The following TWSG1 variants were observed in gnomAD, a reference collection of about 807,000 sequenced individuals.
TWSG1 encodes the protein twisted gastrulation protein homolog 1.
In TWSG1, 15 loss-of-function variants were observed where a neutral mutation model predicts 23.0. The observed-to-expected ratio is 0.65, with a 90% CI of 0.44 to 1.00. The LOEUF (loss-of-function observed/expected upper bound fraction) is 1.00, where lower values mean the gene tolerates loss of function less well. Ranked by LOEUF, TWSG1 falls within the 50% of genes least tolerant of loss-of-function variation. The probability of loss-of-function intolerance (pLI) is 0.00; values close to 1 mark genes in which losing one functional copy is unlikely to be tolerated. For missense variants in TWSG1, 242 were observed against 278.7 expected (o/e 0.87, Z 0.94); for synonymous variants, 86 against 92.8 (o/e 0.93, Z 0.42).
At chr18:9,396,724 G>A in intron 4 of TWSG1, 178 bp downstream of exon 4, 1 of 673,558 alleles carries the variant, frequency 1.5e-6, no homozygotes, top group Non-Finnish European at 2.2e-6. Context: ...GCACATGCCA[G>A]AAGGATAAGA....
chr18:9,397,881 G>C (rs1194521373), intron 4 of TWSG1, among the ~76,000 whole-genome samples: 1 of 151,986 alleles, frequency 6.6e-6, no homozygotes, highest in Non-Finnish European at 1.5e-5. Flanking sequence ...GCACATGCCT[G>C]TAATCCCAGC....
At chr18:9,378,668 A>G (rs539793777) in intron 3 of TWSG1, among the ~76,000 whole-genome samples, 2 of 152,292 alleles carry the variant, frequency 1.3e-5, no homozygotes, top group African/African-American at 4.8e-5. Context: ...GGAAGAATCA[A>G]TATCACTTAA....
chr18:9,379,875 A>G (rs2040648232), intron 3 of TWSG1, among the ~76,000 whole-genome samples: 1 of 152,192 alleles, frequency 6.6e-6, no homozygotes, highest in Non-Finnish European at 1.5e-5. Flanking sequence ...GATTCTTCCT[A>G]CCCATAAACA....
chr18:9,376,231 T>A (rs1442351489), intron 3 of TWSG1, among the ~76,000 whole-genome samples: 1 of 152,232 alleles, frequency 6.6e-6, no homozygotes, highest in Non-Finnish European at 1.5e-5. Context: ...TCTATAGATT[T>A]AATGCAATTG....
intron 2 of TWSG1, among the ~76,000 whole-genome samples, chr18:9,348,356 A>G (rs1165129702): frequency 6.6e-6 from 1 of 152,158 alleles, no homozygotes; most frequent in Non-Finnish European, 1.5e-5. Flanking sequence ...TTAGTTGAAG[A>G]ATGGTTTGGC....
rs189960205 is a variant in TWSG1 at position 9,384,075 on chromosome 18, A to G, written c.224-12205A>G. On this transcript the variant is annotated intron_variant, in intron 3 of 4. Transcript: ENST00000262120. ...TGTTTCCAAATTCAGTCAAAATGTA[A>G]TGGGGGCTTGGTCTAGGATGATAGC... Among the ~76,000 whole-genome samples, 14 of 152,328 alleles carry G rather than the reference A, an allele frequency of 9.2e-5. No homozygotes were observed. In the South Asian group the frequency reaches 1.5e-3, roughly 16 times the overall value.
At chr18:9,358,606 G>A (rs1244985756) in intron 2 of TWSG1, among the ~76,000 whole-genome samples, 1 of 152,122 alleles carries the variant, frequency 6.6e-6, no homozygotes, top group Non-Finnish European at 1.5e-5. Context: ...GGGGTCTTAA[G>A]GAGCAGGCTT....
chr18:9,384,286 A>G (rs7240798), intron 3 of TWSG1, among the ~76,000 whole-genome samples: 72,185 of 152,012 alleles, frequency 0.47, 18,145 homozygotes, highest in East Asian at 0.71. Context: ...AGACCCAGGT[A>G]TGTTAGGGAA....
intron 2 of TWSG1, among the ~76,000 whole-genome samples, chr18:9,344,523 A>ATGTGTC (rs1218016801): frequency 9.2e-6 from 1 of 108,398 alleles, no homozygotes; most frequent in African/African-American, 3.7e-5. Flanking sequence ...GTGTGTGTGT[A>ATGTGTC]TGTATGTATT....
intron 3 of TWSG1, among the ~76,000 whole-genome samples, chr18:9,394,945 A>G (rs2040728131): frequency 6.6e-6 from 1 of 152,234 alleles, no homozygotes; most frequent in Non-Finnish European, 1.5e-5. Context: ...AGCCAATATC[A>G]ATATAACATT....
chr18:9,361,791 T>A (rs1389298579), intron 3 of TWSG1, among the ~76,000 whole-genome samples: 1 of 152,254 alleles, frequency 6.6e-6, no homozygotes, highest in Non-Finnish European at 1.5e-5. Context: ...TTGGTTTAAT[T>A]TCTCTAAAGA....
At chr18:9,389,331 A>G (rs1474902705) in intron 3 of TWSG1, among the ~76,000 whole-genome samples, 2 of 152,160 alleles carry the variant, frequency 1.3e-5, no homozygotes, top group African/African-American at 2.4e-5. Flanking sequence ...GTTGTATAAT[A>G]TGAGCATTCT....
intron 3 of TWSG1, among the ~76,000 whole-genome samples, chr18:9,377,104 G>A (rs1320468144): frequency 1.3e-5 from 2 of 152,110 alleles, no homozygotes; most frequent in African/African-American, 4.8e-5. Context: ...GTTTCCTGGG[G>A]GGTCCTGGAA....
At position 9,371,059 on chromosome 18, in the gene TWSG1, G is replaced by T. The variant is rs1375326401; in HGVS notation, c.223+10988G>T. Among the ~76,000 whole-genome samples, 3 of 151,214 alleles carry T rather than the reference G, an allele frequency of 2.0e-5. No individual in the cohort carries two copies. In the East Asian group the frequency reaches 5.8e-4, roughly 29 times the overall value. ...ACTTAAAAAAAAAAAACCCTTTTGTGTGATACCTATTGGGCCTATTAGATT... is the reference window on the plus strand; with the variant it reads ...ACTTAAAAAAAAAAAACCCTTTTGTTTGATACCTATTGGGCCTATTAGATT... On this transcript the variant is annotated intron_variant, in intron 3 of 4. Coordinates refer to ENST00000262120, the MANE Select transcript of TWSG1 (RefSeq NM_020648.6).
At chr18:9,340,284 C>T (rs144985046) in intron 2 of TWSG1, among the ~76,000 whole-genome samples, 5,641 of 143,768 alleles carry the variant, frequency 0.039, 186 homozygotes, top group Middle Eastern at 0.081. Context: ...AGGAGAATGG[C>T]GTGAACCCAG....
chr18:9,392,573 T>A (rs1158013794), intron 3 of TWSG1, among the ~76,000 whole-genome samples: 1 of 152,226 alleles, frequency 6.6e-6, no homozygotes, highest in Non-Finnish European at 1.5e-5. Context: ...ATCCATGTGT[T>A]CAGAGTAACA....
chr18:9,336,189 C>G (rs914866698), intron 1 of TWSG1, among the ~76,000 whole-genome samples: 15 of 151,960 alleles, frequency 9.9e-5, no homozygotes, highest in Admixed American at 3.9e-4. Context: ...GTCAGGAGAT[C>G]GAGACCAGCC....
chr18:9,360,412 T>C (rs2040547142), intron 3 of TWSG1, among the ~76,000 whole-genome samples: 1 of 152,280 alleles, frequency 6.6e-6, no homozygotes, highest in Non-Finnish European at 1.5e-5. Context: ...AGAAACATTC[T>C]CCAAGATGTG....
At chr18:9,397,951 C>T (rs145783902) in intron 4 of TWSG1, among the ~76,000 whole-genome samples, 1,547 of 145,800 alleles carry the variant, frequency 0.011, 30 homozygotes, top group African/African-American at 0.038. Flanking sequence ...TTGCGGTGAG[C>T]CGAGATCGCG....
Sources: gnomAD v4.1 joint callset for allele counts (sites outside exome capture counted in the v4.1 genomes callset) on GRCh38, gnomAD v4.1.1 for gene constraint, MANE v1.5 for transcripts, NCBI Gene and HGNC (gene_info 2026-07-23, HGNC 2026-07-21) for gene names.